Variants in RYR2 observed in about 807,000 individuals in gnomAD.
The protein encoded by RYR2 is ryanodine receptor 2.
In RYR2, 227 loss-of-function variants were observed where a neutral mutation model predicts 601.1. The observed-to-expected ratio is 0.38, with a 90% CI of 0.34 to 0.42. The LOEUF (loss-of-function observed/expected upper bound fraction) is 0.42. Among genes scored for constraint, RYR2 ranks in the 10% least tolerant of loss-of-function variants. The probability of loss-of-function intolerance (pLI) is 1.00; values close to 1 mark genes in which losing one functional copy is unlikely to be tolerated. For synonymous variants in RYR2, 2,223 were observed against 2,175.1 expected, an observed-to-expected ratio of 1.02 and a Z score of -0.61; for missense variants, 4,646 against 6,156.5, an observed-to-expected ratio of 0.75 and a Z score of 8.21.
At chr1:237,520,769 C>T (rs561387056) in intron 24 of RYR2, among the ~76,000 whole-genome samples, 4 of 152,118 alleles carry the variant, frequency 2.6e-5, no homozygotes, top group African/African-American at 9.7e-5. Context: ...GGTGCGGTGG[C>T]TCATGCCTGT....
At chr1:237,580,679 T>C (rs1673812029) in intron 29 of RYR2, among the ~76,000 whole-genome samples, 1 of 152,160 alleles carries the variant, frequency 6.6e-6, no homozygotes, top group African/African-American at 2.4e-5. Flanking sequence ...GTTGCATAGC[T>C]CTAACCCTCA....
chr1:237,340,491 C>T (rs1220278761), intron 3 of RYR2, among the ~76,000 whole-genome samples: 1 of 152,166 alleles, frequency 6.6e-6, no homozygotes, highest in African/African-American at 2.4e-5. Context: ...CCAACACTCT[C>T]CCCTTGTACG....
At chr1:237,540,542 A>C (rs1257281742) in intron 25 of RYR2, among the ~76,000 whole-genome samples, 1 of 151,990 alleles carries the variant, frequency 6.6e-6, no homozygotes, top group Non-Finnish European at 1.5e-5. Context: ...CTCTGTCTCT[A>C]CTAAAAATAC....
Position 237,783,694 on chromosome 1 carries a change from G to A in RYR2, c.11982G>A (p.Thr3994=), listed in dbSNP as rs368634803. 3.7e-5 allele frequency: 60 copies of A among 1,604,126 alleles called. No individual in the cohort carries two copies. Among genetic ancestry groups the A allele is most frequent in the Non-Finnish European group, 4.4e-5 (52 of 1,173,110 alleles). ...SMLEGNVVNG[T]IGKQMVDMLV... ...CACCAGGTAATGTTGTTAATGGAAC[G>A]ATTGGCAAACAGATGGTGGATATGC... The change falls in exon 90 of 105, where the codon ACG becomes ACA. Residue 3994 remains threonine, a synonymous_variant. Coordinates refer to ENST00000366574, the MANE Select transcript of RYR2 (RefSeq NM_001035.3).
At chr1:237,808,833 G>A in intron 99 of RYR2, 68 bp from the exon 100 acceptor site, 1 of 1,511,830 alleles carries the variant, frequency 6.6e-7, no homozygotes, top group South Asian at 1.1e-5. Flanking sequence ...CGCCGCCCAT[G>A]TAGATGTCAC....
chr1:237,612,895 A>G (rs1447208559), intron 36 of RYR2, among the ~76,000 whole-genome samples: 1 of 152,218 alleles, frequency 6.6e-6, no homozygotes, highest in African/African-American at 2.4e-5. Context: ...AAAGGATTTG[A>G]GGCAGTTTTC....
chr1:237,633,190 C>A (rs1156320729), intron 42 of RYR2, among the ~76,000 whole-genome samples: 1 of 152,172 alleles, frequency 6.6e-6, no homozygotes, highest in Non-Finnish European at 1.5e-5. Context: ...AATTCACTCC[C>A]CTGCCCCTTA....
chr1:237,068,870 C>A lies in RYR2; in HGVS notation c.48+26301C>A, dbSNP rs74662409. On this transcript the variant is annotated intron_variant, in intron 1 of 104. Transcript: ENST00000366574. The stretch of plus-strand genomic sequence containing the variant: ...CCTTTAACTGACATTTTTCTTCCAA[C>A]CTGCTCCTAGGTGAGCCAGTTGAGA... 5.2e-3 allele frequency among the ~76,000 whole-genome samples: 797 copies of A among 152,212 alleles called. 13 individuals are homozygous for A. Among genetic ancestry groups the A allele is most frequent in the African/African-American group, 0.018 (738 of 41,540 alleles).
chr1:237,614,277 G>T lies in RYR2; in HGVS notation c.5149G>T (p.Ala1717Ser), dbSNP rs547829995. The stretch of plus-strand genomic sequence containing the variant: ...CATCCACCTGAGCTCCTATGCCACT[G>T]CCAGGCTCATGATGAACAACGAGTA... The part of the protein sequence containing the change: ...IDIHLSSYAT[A>S]RLMMNNEYIV... Residue 1717 changes from alanine to serine, a missense_variant, in exon 37 of 105, where the codon GCC becomes TCC. Transcript: ENST00000366574. This position sits in a 1 kb window ranked among gnomAD's most constrained non-coding sequence, Gnocchi z 4.3. The T allele has an allele frequency of 1.9e-6, 3 of 1,614,002 alleles. No homozygotes were observed. Among genetic ancestry groups the T allele is most frequent in the East Asian group, 4.5e-5 (2 of 44,852 alleles).
At position 237,496,645 on chromosome 1, in the gene RYR2, C is replaced by A; in HGVS notation, c.2096C>A (p.Ser699Tyr). 6.2e-7 allele frequency: 1 copy of A among 1,613,934 alleles called. No homozygotes were observed. Among genetic ancestry groups the A allele is most frequent in the Non-Finnish European group, 8.5e-7 (1 of 1,179,882 alleles). Residue 699 changes from serine (S) to tyrosine (Y), a missense_variant, in exon 20 of 105, where the codon TCC (serine) becomes TAC (tyrosine). Around this residue, in one of 17 missense-constraint regions of RYR2, gnomAD observed 1,807 missense variants for 2,088.1 expected, o/e 0.87. Transcript: ENST00000366574. ...EATHLRVGWASTEGYSPYPGG... is the reference protein window; with the variant it reads ...EATHLRVGWAYTEGYSPYPGG... ...ACTCACCTGCGAGTGGGCTGGGCTT[C>A]CACTGAAGGATATTCTCCCTACCCT... is the stretch of plus-strand genomic sequence containing the variant.
At chr1:237,383,683 C>T (rs1049935561) in intron 8 of RYR2, among the ~76,000 whole-genome samples, 5 of 151,996 alleles carry the variant, frequency 3.3e-5, no homozygotes, top group African/African-American at 1.2e-4. Context: ...CCCGCCTTGG[C>T]CTCCCAAAGT....
intron 25 of RYR2, among the ~76,000 whole-genome samples, chr1:237,535,721 A>G (rs1488466285): frequency 2.0e-5 from 3 of 152,220 alleles, no homozygotes; most frequent in South Asian, 2.1e-4. Flanking sequence ...ACAACTCAGT[A>G]GTGTATTAAC....
chr1:237,364,352 CT>C lies in RYR2; in HGVS notation c.295-5del. On this transcript the variant is annotated splice_region_variant and splice_polypyrimidine_tract_variant and intron_variant, in intron 4 of 104. Coordinates refer to ENST00000366574, the MANE Select transcript of RYR2 (RefSeq NM_001035.3). ...TGTTTCCTCTCTTTTCCTTATGCCC[CT>C]ACAGAAATTCATGATGAAGGTAAGA... 6.4e-7 allele frequency: 1 copy of C among 1,574,642 alleles called. No homozygotes were observed. Among genetic ancestry groups the C allele is most frequent in the South Asian group, 1.2e-5 (1 of 86,068 alleles).
intron 3 of RYR2, among the ~76,000 whole-genome samples, chr1:237,343,419 G>C (rs1698007120): frequency 6.6e-6 from 1 of 152,170 alleles, no homozygotes; most frequent in Non-Finnish European, 1.5e-5. Flanking sequence ...CCACGTTCTA[G>C]ATTCTGTGTA....
intron 11 of RYR2, among the ~76,000 whole-genome samples, chr1:237,421,251 A>G (rs1572245473): frequency 6.6e-6 from 1 of 151,818 alleles, no homozygotes. Flanking sequence ...AATAAAAATA[A>G]TAGTAATAAT....
intron 44 of RYR2, among the ~76,000 whole-genome samples, chr1:237,637,366 T>C (rs1680980567): frequency 1.3e-5 from 2 of 152,222 alleles, no homozygotes; most frequent in African/African-American, 4.8e-5. Context: ...TTGTGAAATA[T>C]TGTAGAGGAC....
chr1:237,377,454 A>G lies in RYR2; in HGVS notation c.576+19A>G. The G allele has an allele frequency of 3.9e-6, 6 of 1,540,564 alleles. No homozygotes were observed. Among genetic ancestry groups the G allele is most frequent in the Non-Finnish European group, 5.4e-6 (6 of 1,113,206 alleles). On this transcript the variant is annotated intron_variant, in intron 8 of 104. Coordinates refer to ENST00000366574, the MANE Select transcript of RYR2 (RefSeq NM_001035.3). Reference sequence around the variant, plus strand: ...GTACTTGGTAAGTGTGGAAAGTAGGATCATGTATCTGCTGATATGCTAAAT... The same window carrying G: ...GTACTTGGTAAGTGTGGAAAGTAGGGTCATGTATCTGCTGATATGCTAAAT...
chr1:237,827,614 A>G (rs1464108688), intron 101 of RYR2, among the ~76,000 whole-genome samples: 6 of 131,218 alleles, frequency 4.6e-5, no homozygotes, highest in Non-Finnish European at 6.2e-5. Context: ...TGGGTGACAG[A>G]GCAAGACTGT....
In RYR2 at chr1:237,314,189, C is replaced by T. The variant is rs1041707093; in HGVS notation, c.169-16689C>T. On this transcript the variant is annotated intron_variant, in intron 2 of 104. Coordinates refer to ENST00000366574, the MANE Select transcript of RYR2 (RefSeq NM_001035.3). ...ACACCATTCTCCTGCCTCAGCCTCC[C>T]GAGTAGCTGGGACTACAGGCACCCG... is the stretch of plus-strand genomic sequence containing the variant. Among the ~76,000 whole-genome samples the T allele has an allele frequency of 1.3e-4, 20 of 151,696 alleles. No individual in the cohort carries two copies. In the Middle Eastern group the frequency reaches 0.01, roughly 78 times the overall value.
Sources: gnomAD v4.1 joint callset for allele counts (sites outside exome capture counted in the v4.1 genomes callset) on GRCh38, gnomAD v4.1.1 for gene constraint, gnomAD v4.1.1 regional missense constraint, Gnocchi (gnomAD v3.1) non-coding constraint, MANE v1.5 for transcripts, NCBI Gene and HGNC (gene_info 2026-07-23, HGNC 2026-07-21) for gene names.